The following LDLRAD4 variants were observed in gnomAD, a reference collection of about 807,000 sequenced individuals.
The protein encoded by LDLRAD4 is low-density lipoprotein receptor class A domain-containing protein 4.
A neutral mutation model predicts 17.0 loss-of-function variants in LDLRAD4; 5 were observed. That is an observed-to-expected ratio of 0.29 (90% CI 0.15 to 0.62). The LOEUF (loss-of-function observed/expected upper bound fraction) is 0.62, where lower values mean the gene tolerates loss of function less well. Among genes scored for constraint, LDLRAD4 ranks in the 20% least tolerant of loss-of-function variants. The pLI, the probability that LDLRAD4 is intolerant of heterozygous loss-of-function variation, is 0.84. For synonymous variants in LDLRAD4, 168 were observed against 171.8 expected (o/e 0.98, Z 0.17); for missense variants, 340 against 424.7 (o/e 0.80, Z 1.75).
At chr18:13,259,510 G>A (rs935579975) in intron 1 of LDLRAD4, among the ~76,000 whole-genome samples, 7 of 152,136 alleles carry the variant, frequency 4.6e-5, no homozygotes, top group Non-Finnish European at 5.9e-5. Context: ...AGTAAGATGA[G>A]TTTTAGTGCT....
chr18:13,528,063 C>T lies in LDLRAD4; in HGVS notation c.181+89679C>T, dbSNP rs562128817. ...TCTGCCTTTCTACCCAAAGTTGTGG[C>T]TTCTGCACCTGGCCTCACACTTCAC... is the stretch of plus-strand genomic sequence containing the variant. On this transcript the variant is annotated intron_variant, in intron 3 of 5. Coordinates refer to ENST00000359446, the Ensembl canonical transcript of LDLRAD4. Among the ~76,000 whole-genome samples the T allele has an allele frequency of 2.0e-5, 3 of 152,306 alleles. No homozygotes were observed. The East Asian group carries it at 5.8e-4, about 29-fold the overall frequency.
chr18:13,294,430 A>T (rs536511876), intron 1 of LDLRAD4, among the ~76,000 whole-genome samples: 1 of 152,364 alleles, frequency 6.6e-6, no homozygotes, highest in Admixed American at 6.5e-5. Flanking sequence ...CATCAAAAGG[A>T]TGAGGTCTGT....
At chr18:13,486,778 G>A (rs2093234152) in intron 3 of LDLRAD4, 1 of 152,182 alleles carries the variant, frequency 6.6e-6, no homozygotes, top group Non-Finnish European at 1.5e-5. Context: ...AAATGGTTGT[G>A]TATTAATGCA....
intron 3 of LDLRAD4, among the ~76,000 whole-genome samples, chr18:13,597,026 A>C (rs2095104151): frequency 6.6e-6 from 1 of 152,192 alleles, no homozygotes; most frequent in African/African-American, 2.4e-5. Context: ...CTCTTTGTTC[A>C]TGCAGATTCA....
intron 3 of LDLRAD4, among the ~76,000 whole-genome samples, chr18:13,452,303 G>A (rs924619162): frequency 1.3e-5 from 2 of 152,184 alleles, no homozygotes; most frequent in Non-Finnish European, 2.9e-5. Flanking sequence ...TGGCAGCGGC[G>A]GCTCCTGGCC....
At chr18:13,280,571 G>A (rs1346963855) in intron 1 of LDLRAD4, among the ~76,000 whole-genome samples, 2 of 152,208 alleles carry the variant, frequency 1.3e-5, no homozygotes, top group Non-Finnish European at 1.5e-5. Flanking sequence ...CTGCTGGAGC[G>A]TGTGGGGGAG....
chr18:13,461,841 C>G (rs770723194), intron 3 of LDLRAD4, among the ~76,000 whole-genome samples: 5 of 152,172 alleles, frequency 3.3e-5, no homozygotes, highest in Non-Finnish European at 5.9e-5. Flanking sequence ...AGACTTGGCC[C>G]CTGACCAGCC....
At chr18:13,297,736 G>A (rs2046351775) in intron 1 of LDLRAD4, among the ~76,000 whole-genome samples, 1 of 152,218 alleles carries the variant, frequency 6.6e-6, no homozygotes, top group Non-Finnish European at 1.5e-5. Flanking sequence ...GGAGGTTGAG[G>A]CTGCAGTGAA....
intron 1 of LDLRAD4, among the ~76,000 whole-genome samples, chr18:13,348,416 C>T (rs774156024): frequency 2.6e-5 from 4 of 152,108 alleles, no homozygotes; most frequent in South Asian, 2.1e-4. Flanking sequence ...TGTTGCTGCC[C>T]GATCATTCCT....
chr18:13,445,439 T>G (rs1370894410), intron 3 of LDLRAD4, among the ~76,000 whole-genome samples: 1 of 148,286 alleles, frequency 6.7e-6, no homozygotes, highest in African/African-American at 2.5e-5. Context: ...GTGCCATGGG[T>G]GGAGTGTGTA....
intron 2 of LDLRAD4, among the ~76,000 whole-genome samples, chr18:13,433,892 A>G (rs2090496410): frequency 6.6e-6 from 1 of 152,154 alleles, no homozygotes; most frequent in Non-Finnish European, 1.5e-5. Context: ...GTTAGTTTGT[A>G]CACAACTAGA....
chr18:13,444,006 A>C (rs1473120066), intron 3 of LDLRAD4, among the ~76,000 whole-genome samples: 10 of 152,348 alleles, frequency 6.6e-5, no homozygotes, highest in African/African-American at 2.2e-4. Context: ...GTTGCAAAAC[A>C]GTCAACCAAA....
At chr18:13,411,965 C>T (rs1018395808) in intron 2 of LDLRAD4, among the ~76,000 whole-genome samples, 2 of 152,160 alleles carry the variant, frequency 1.3e-5, no homozygotes, top group Non-Finnish European at 2.9e-5. Flanking sequence ...ACCCCAGCCT[C>T]TTGAGTAGCT....
chr18:13,639,225 T>C (rs1370211071), intron 4 of LDLRAD4, among the ~76,000 whole-genome samples: 1 of 152,252 alleles, frequency 6.6e-6, no homozygotes, highest in Admixed American at 6.5e-5. Flanking sequence ...AATGCTGCCA[T>C]CTGAGCGGCA....
intron 1 of LDLRAD4, among the ~76,000 whole-genome samples, chr18:13,358,378 T>G (rs1450555984): frequency 6.6e-6 from 1 of 152,100 alleles, no homozygotes; most frequent in African/African-American, 2.4e-5. Context: ...TTTCACAAGA[T>G]AAAAGATTTT....
At chr18:13,591,955 C>T (rs979401724) in intron 3 of LDLRAD4, among the ~76,000 whole-genome samples, 1 of 152,182 alleles carries the variant, frequency 6.6e-6, no homozygotes, top group Non-Finnish European at 1.5e-5. Context: ...CATTCAGTCA[C>T]GTAATTTACA....
At chr18:13,311,589 G>A (rs866053767) in intron 1 of LDLRAD4, among the ~76,000 whole-genome samples, 31 of 152,290 alleles carry the variant, frequency 2.0e-4, no homozygotes, top group Middle Eastern at 3.4e-3. Flanking sequence ...GGGATATTTC[G>A]TAGAGGTCTT....
Position 13,326,275 on chromosome 18 carries a change from A to G in LDLRAD4, c.-383+48087A>G, listed in dbSNP as rs2143569135. Reference sequence around the variant, plus strand: ...CCTTAAAGGGGGGAAGGCTCGGAAGAGGGGCAGGTGGGCTGTAAGGCGAAT... The same window carrying G: ...CCTTAAAGGGGGGAAGGCTCGGAAGGGGGGCAGGTGGGCTGTAAGGCGAAT... On this transcript the variant is annotated intron_variant, in intron 1 of 5. Transcript: ENST00000359446. Among the ~76,000 whole-genome samples the G allele has an allele frequency of 1.3e-5, 2 of 152,266 alleles. 1 individual carries two copies. Among genetic ancestry groups the G allele is most frequent in the South Asian group, 4.1e-4 (2 of 4,820 alleles).
At chr18:13,498,041 T>G (rs2093510915) in intron 3 of LDLRAD4, among the ~76,000 whole-genome samples, 1 of 100,604 alleles carries the variant, frequency 9.9e-6, no homozygotes. Context: ...TCCACACACG[T>G]CCCGCCATGG....
Sources: gnomAD v4.1 joint callset for allele counts (sites outside exome capture counted in the v4.1 genomes callset) on GRCh38, gnomAD v4.1.1 for gene constraint, MANE v1.5 for transcripts, NCBI Gene and HGNC (gene_info 2026-07-23, HGNC 2026-07-21) for gene names.